The following SLC35F3 variants were observed in gnomAD, a reference collection of about 807,000 sequenced individuals.
SLC35F3 encodes solute carrier family 35 member F3, also known as putative thiamine transporter SLC35F3.
SLC35F3 carries 25 observed loss-of-function variants against 49.9 expected under a neutral mutation model. That is an observed-to-expected ratio of 0.50 (90% CI 0.37 to 0.70). The LOEUF (loss-of-function observed/expected upper bound fraction) is 0.70, where lower values mean the gene tolerates loss of function less well. Ranked by LOEUF, SLC35F3 falls within the 30% of genes least tolerant of loss-of-function variation. SLC35F3 has a pLI of 0.00. For missense variants in SLC35F3, 525 were observed against 639.8 expected (o/e 0.82, Z 1.94); for synonymous variants, 275 against 265.4 (o/e 1.04, Z -0.35).
At chr1:234,034,544 G>A (rs192184653) in intron 2 of SLC35F3, among the ~76,000 whole-genome samples, 1 of 152,196 alleles carries the variant, frequency 6.6e-6, no homozygotes, top group East Asian at 1.9e-4. Context: ...TTTTGAGACA[G>A]AGTCAATGCT....
intron 3 of SLC35F3, among the ~76,000 whole-genome samples, chr1:234,245,085 C>T (rs539098065): frequency 6.6e-6 from 1 of 152,200 alleles, no homozygotes; most frequent in African/African-American, 2.4e-5. Flanking sequence ...GTATGTTTGT[C>T]CCCATTAACC....
chr1:234,267,637 AC>A (rs1194280408), intron 3 of SLC35F3, among the ~76,000 whole-genome samples: 1 of 133,866 alleles, frequency 7.5e-6, no homozygotes, highest in Non-Finnish European at 1.6e-5. Flanking sequence ...CGGGGGGCTG[AC>A]CCCCCCACCT....
intron 2 of SLC35F3, among the ~76,000 whole-genome samples, chr1:234,224,914 A>G (rs560569318): frequency 5.9e-5 from 9 of 152,110 alleles, no homozygotes; most frequent in African/African-American, 1.2e-4. Context: ...TCTCCATACT[A>G]TCTCCTTTTC....
Position 234,214,591 on chromosome 1 carries a change from TC to T in SLC35F3, c.284-16825del. 6.5e-7 allele frequency: 1 copy of T among 1,527,512 alleles called. No individual in the cohort carries two copies. Among genetic ancestry groups the T allele is most frequent in the Non-Finnish European group, 8.8e-7 (1 of 1,138,028 alleles). The allele number at this position is 1,527,512 out of a possible 1,614,324, so 94.6% of individuals were successfully genotyped here. On this transcript the variant is annotated intron_variant, in intron 2 of 7. Transcript: ENST00000366618. The surrounding 1 kb of genome is among the most constrained non-coding windows in gnomAD (Gnocchi z 8.0). ...AAGTGGAAGGTAATGCGCGGCCGCC[TC>T]GCCCCGGGGGTCCCTGCACCCTAGC...
At chr1:234,211,312 G>A (rs1667043434) in intron 2 of SLC35F3, among the ~76,000 whole-genome samples, 1 of 152,224 alleles carries the variant, frequency 6.6e-6, no homozygotes, top group African/African-American at 2.4e-5. Flanking sequence ...TCCCTACTGG[G>A]GCACTGCCTA....
Position 234,209,045 on chromosome 1 carries a change from A to G in SLC35F3, c.284-22372A>G, listed in dbSNP as rs181533036. 2.5e-4 allele frequency among the ~76,000 whole-genome samples: 38 copies of G among 152,324 alleles called. No individual in the cohort carries two copies. The South Asian group carries it at 6.2e-3, about 25-fold the overall frequency. On this transcript the variant is annotated intron_variant, in intron 2 of 7. Transcript: ENST00000366618. ...AAAAGTCAGCCCAGTTCCTTTTCCC[A>G]GCTCCTGTAATACTAAAGTCAAGAC...
chr1:234,145,754 C>G (rs9435568), intron 2 of SLC35F3, among the ~76,000 whole-genome samples: 19 of 151,956 alleles, frequency 1.3e-4, no homozygotes, highest in African/African-American at 4.4e-4. Flanking sequence ...CATTTTATAC[C>G]GGGGCTAGAG....
chr1:234,058,328 ATTTTTTTTTTT>A lies in SLC35F3; in HGVS notation c.283+152590_283+152600del, dbSNP rs56960667. Among the ~76,000 whole-genome samples the A allele has an allele frequency of 1.2e-3, 48 of 39,798 alleles. 1 individual carries two copies. Among genetic ancestry groups the A allele is most frequent in the Admixed American group, 0.01 (31 of 2,968 alleles). The allele number at this position is 39,798 out of a possible 152,430, so 26.1% of individuals were successfully genotyped here. A position where few individuals can be genotyped will look rare whatever the true frequency, so the allele number is the denominator to read the frequency against. On this transcript the variant is annotated intron_variant, in intron 2 of 7. Coordinates refer to ENST00000366618, the MANE Select transcript of SLC35F3 (RefSeq NM_173508.4). ...TAATTGTCTTTATAAATGTTCCTGA[ATTTTTTTTTTT>A]TTTTTTTTTTTTTTTTTTTCAGTTA...
At chr1:234,087,953 C>G (rs1198960627) in intron 2 of SLC35F3, among the ~76,000 whole-genome samples, 1 of 152,194 alleles carries the variant, frequency 6.6e-6, no homozygotes. Context: ...TTTCTTGACC[C>G]TTTCTAAAAC....
At chr1:234,164,764 G>C (rs1666288057) in intron 2 of SLC35F3, among the ~76,000 whole-genome samples, 1 of 144,018 alleles carries the variant, frequency 6.9e-6, no homozygotes, top group Non-Finnish European at 1.5e-5. Flanking sequence ...TTTTCTCAAG[G>C]AGAGTTGTGT....
In SLC35F3 at chr1:234,191,624, AAC is replaced by A. The variant is rs757142227; in HGVS notation, c.284-39791_284-39790del. The stretch of plus-strand genomic sequence containing the variant: ...GAGAAGAACTAAATGAAATTGAAAC[AAC>A]AACAAAAAAAAATACGAAAGACAAA... On this transcript the variant is annotated intron_variant, in intron 2 of 7. Coordinates refer to ENST00000366618, the MANE Select transcript of SLC35F3 (RefSeq NM_173508.4). 4.7e-4 allele frequency among the ~76,000 whole-genome samples: 63 copies of A among 132,792 alleles called. No homozygotes were observed. In the South Asian group the frequency reaches 9.6e-3, roughly 20 times the overall value. 87.1% of individuals were successfully genotyped at this position (132,792 alleles called of 152,430 possible).
Position 234,027,687 on chromosome 1 carries a change from C to G in SLC35F3, c.283+121929C>G, listed in dbSNP as rs1392075375. 1.3e-5 allele frequency among the ~76,000 whole-genome samples: 2 copies of G among 152,014 alleles called. No individual in the cohort carries two copies. Among genetic ancestry groups the G allele is most frequent in the East Asian group, 1.9e-4 (1 of 5,188 alleles). ...AATAAAATTGATAAAAATTGGTGAC[C>G]AGTTGTTTGGATGAAGAGAGGGTAA... On this transcript the variant is annotated intron_variant, in intron 2 of 7. Transcript: ENST00000366618. The surrounding 1 kb of genome is among the most constrained non-coding windows in gnomAD (Gnocchi z 4.1).
rs1004435355 is a variant in SLC35F3, at chr1:234,034,019, CTA to C, written c.283+128263_283+128264del. Among the ~76,000 whole-genome samples the C allele has an allele frequency of 1.7e-3, 257 of 152,262 alleles. 1 individual carries two copies. The highest frequency in any genetic ancestry group is 6.8e-3 in the Middle Eastern group (2 of 294). On this transcript the variant is annotated intron_variant, in intron 2 of 7. Coordinates refer to ENST00000366618, the MANE Select transcript of SLC35F3 (RefSeq NM_173508.4). ...GTGTTCTTCCATTTGTTTTTGTTGT[CTA>C]TGATTTCTTTCAGCAGTGTTTTATA...
intron 2 of SLC35F3, among the ~76,000 whole-genome samples, chr1:234,144,381 A>G (rs1227655728): frequency 6.6e-6 from 1 of 151,792 alleles, no homozygotes; most frequent in African/African-American, 2.4e-5. Flanking sequence ...TAAACACACA[A>G]CTCCTTCGAA....
intron 2 of SLC35F3, among the ~76,000 whole-genome samples, chr1:233,945,815 C>T (rs566461025): frequency 1.1e-4 from 17 of 152,318 alleles, no homozygotes; most frequent in Admixed American, 3.3e-4. Context: ...CATTCACCTT[C>T]GACCATGATT....
At chr1:234,097,099 G>A (rs1193365332) in intron 2 of SLC35F3, among the ~76,000 whole-genome samples, 1 of 152,062 alleles carries the variant, frequency 6.6e-6, no homozygotes, top group Non-Finnish European at 1.5e-5. Context: ...ACGTTGGTCA[G>A]GCTGGTCTCG....
At chr1:234,140,603 C>T (rs1455339462) in intron 2 of SLC35F3, among the ~76,000 whole-genome samples, 2 of 152,092 alleles carry the variant, frequency 1.3e-5, no homozygotes, top group African/African-American at 4.8e-5. Context: ...TCTCCCCATT[C>T]AATCTAGACG....
intron 2 of SLC35F3, among the ~76,000 whole-genome samples, chr1:234,169,171 A>C (rs1200357137): frequency 6.6e-6 from 1 of 152,192 alleles, no homozygotes; most frequent in East Asian, 1.9e-4. Flanking sequence ...CTTTTCTTCT[A>C]TTCCAGCCTT....
At chr1:233,922,103 A>G (rs1226791030) in intron 2 of SLC35F3, among the ~76,000 whole-genome samples, 8 of 152,192 alleles carry the variant, frequency 5.3e-5, no homozygotes, top group Non-Finnish European at 1.2e-4. Context: ...CAGTAAACAT[A>G]TGTGTGCATG....
Sources: allele counts gnomAD v4.1 joint callset (sites outside exome capture counted in the v4.1 genomes callset), GRCh38; gene constraint gnomAD v4.1.1; non-coding constraint Gnocchi (gnomAD v3.1); transcripts MANE v1.5; gene names NCBI Gene and HGNC (gene_info 2026-07-23, HGNC 2026-07-21).